Variants in SNX29 observed in about 807,000 individuals in gnomAD.
The protein encoded by SNX29 is sorting nexin-29.
A neutral mutation model predicts 102.1 loss-of-function variants in SNX29; 78 were observed. The ratio of observed to expected loss-of-function variants is 0.76; its 90% CI spans 0.64 to 0.92. The LOEUF is 0.92. Ranked by LOEUF, SNX29 falls within the 40% of genes least tolerant of loss-of-function variation. The pLI, the probability that SNX29 is intolerant of heterozygous loss-of-function variation, is 0.00. For synonymous variants in SNX29, 580 were observed against 414.5 expected (o/e 1.40, Z -4.85); for missense variants, 1,280 against 1,061.7 (o/e 1.21, Z -2.86).
At chr16:12,030,634 C>T (rs1352099187) in intron 4 of SNX29, among the ~76,000 whole-genome samples, 1 of 152,192 alleles carries the variant, frequency 6.6e-6, no homozygotes, top group Non-Finnish European at 1.5e-5. Flanking sequence ...AGCTCTGACC[C>T]ACTTTGCACA....
intron 16 of SNX29, among the ~76,000 whole-genome samples, chr16:12,386,796 T>C (rs527807632): frequency 6.6e-6 from 1 of 152,144 alleles, no homozygotes; most frequent in African/African-American, 2.4e-5. Context: ...AAAAAGGCCT[T>C]CTTTTCCAGA....
chr16:12,014,355 T>A (rs1424644328), intron 3 of SNX29, among the ~76,000 whole-genome samples: 1 of 152,124 alleles, frequency 6.6e-6, no homozygotes, highest in Non-Finnish European at 1.5e-5. Context: ...GCCAAGAGTA[T>A]CCAGGCAGCA....
intron 18 of SNX29, among the ~76,000 whole-genome samples, chr16:12,460,793 G>A (rs2086746962): frequency 6.6e-6 from 1 of 152,082 alleles, no homozygotes; most frequent in South Asian, 2.1e-4. Flanking sequence ...GAGTAGCTGG[G>A]ACTACTCAGG....
chr16:12,303,205 ATAAT>A (rs1020094275), intron 15 of SNX29, among the ~76,000 whole-genome samples: 2 of 152,214 alleles, frequency 1.3e-5, no homozygotes, highest in Non-Finnish European at 2.9e-5. Flanking sequence ...TTTTTAAAAA[ATAAT>A]TAGTTTGACC....
At chr16:12,465,444 C>A (rs1179900140) in intron 18 of SNX29, among the ~76,000 whole-genome samples, 3 of 151,704 alleles carry the variant, frequency 2.0e-5, no homozygotes, top group Non-Finnish European at 4.4e-5. Context: ...TTCCGTTTGC[C>A]CAGCACCATT....
intron 3 of SNX29, 21 bp downstream of exon 3, chr16:12,003,064 ACCGTTG>A: frequency 6.2e-7 from 1 of 1,613,888 alleles, no homozygotes; most frequent in South Asian, 1.1e-5. Context: ...CACTTCTAAA[ACCGTTG>A]ACCATCGAGG....
At chr16:12,563,063 A>G (rs1331821517) in intron 20 of SNX29, among the ~76,000 whole-genome samples, 2 of 152,100 alleles carry the variant, frequency 1.3e-5, no homozygotes, top group African/African-American at 4.8e-5. Context: ...AAATGTAGGT[A>G]CTGGAAGAGA....
rs1052986563 is a variant in SNX29 at position 12,565,298 on chromosome 16, C to T, written c.2319-3208C>T. Among the ~76,000 whole-genome samples the T allele has an allele frequency of 2.6e-5, 4 of 152,206 alleles. No homozygotes were observed. The South Asian group carries it at 8.3e-4, about 31-fold the overall frequency. On this transcript the variant is annotated intron_variant, in intron 20 of 20. Coordinates refer to ENST00000566228, the MANE Select transcript of SNX29 (RefSeq NM_032167.5). ...TCACATACGCCAGCAGCCACCAGCA[C>T]TCTCCATTCAAGTCCACTGTGCTCA...
At position 11,976,819 on chromosome 16, in the gene SNX29, TGGCGGCCCCGCCGCTGTCACCTGCCCC is replaced by T; in HGVS notation, c.7+10_7+36del. 2 of 1,373,740 alleles carry T rather than the reference TGGCGGCCCCGCCGCTGTCACCTGCCCC, an allele frequency of 1.5e-6. No individual in the cohort carries two copies. The highest frequency in any genetic ancestry group is 9.4e-7 in the Non-Finnish European group (1 of 1,063,160). 85.1% of individuals were successfully genotyped at this position (1,373,740 alleles called of 1,614,324 possible). On this transcript the variant is annotated splice_region_variant and intron_variant, in intron 1 of 20. Coordinates refer to ENST00000566228, the MANE Select transcript of SNX29 (RefSeq NM_032167.5). ...GGGGAGAGGCACCATGAGCGGTGAGTGGCGGCCCCGCCGCTGTCACCTGCCCCGGCCGCCCCGGCTCCCGCCGCTCCA... is the reference window on the plus strand; with the variant it reads ...GGGGAGAGGCACCATGAGCGGTGAGTGGCCGCCCCGGCTCCCGCCGCTCCA...
At chr16:12,370,244 A>G (rs2082634053) in intron 16 of SNX29, among the ~76,000 whole-genome samples, 3 of 151,938 alleles carry the variant, frequency 2.0e-5, no homozygotes, top group African/African-American at 7.2e-5. Context: ...AAACAAAAAC[A>G]AAAACAAAAA....
intron 18 of SNX29, among the ~76,000 whole-genome samples, chr16:12,455,153 C>T (rs2086479499): frequency 1.3e-5 from 2 of 152,136 alleles, no homozygotes; most frequent in South Asian, 2.1e-4. Flanking sequence ...CAAAGGTTTC[C>T]TCCTCCTTCT....
intron 19 of SNX29, among the ~76,000 whole-genome samples, chr16:12,507,030 T>C (rs2089410573): frequency 6.6e-6 from 1 of 152,230 alleles, no homozygotes; most frequent in Non-Finnish European, 1.5e-5. Flanking sequence ...CTGTAGATTA[T>C]TGTGAGAATT....
chr16:12,363,613 C>G (rs2082367962), intron 16 of SNX29, among the ~76,000 whole-genome samples: 1 of 152,184 alleles, frequency 6.6e-6, no homozygotes. Context: ...AGCACCATTC[C>G]CAGCATGTAG....
intron 18 of SNX29, among the ~76,000 whole-genome samples, chr16:12,439,601 C>G (rs1395703136): frequency 1.3e-5 from 2 of 152,158 alleles, no homozygotes; most frequent in Non-Finnish European, 2.9e-5. Context: ...TCATTCACTA[C>G]CACGAGAACA....
chr16:12,312,858 C>G (rs2151141998), intron 15 of SNX29, among the ~76,000 whole-genome samples: 1 of 152,246 alleles, frequency 6.6e-6, no homozygotes, highest in South Asian at 2.1e-4. Context: ...CATTCTAAAA[C>G]AACCAGTTCT....
Position 12,568,943 on chromosome 16 carries a change from G to T in SNX29, c.*314G>T. On this transcript the variant is annotated 3_prime_UTR_variant, in exon 21 of 21. Transcript: ENST00000566228. Reference sequence around the variant, plus strand: ...TGTAGTTCAGGGCTGGCAGGAGGGTGGGCACCAGGTCAGGCTGGGTGCGCC... The same window carrying T: ...TGTAGTTCAGGGCTGGCAGGAGGGTTGGCACCAGGTCAGGCTGGGTGCGCC... The T allele has an allele frequency of 2.5e-6, 1 of 400,060 alleles. No individual in the cohort carries two copies. The highest frequency in any genetic ancestry group is 4.5e-6 in the Non-Finnish European group (1 of 223,020). 24.8% of individuals were successfully genotyped at this position (400,060 alleles called of 1,614,324 possible). A position where few individuals can be genotyped will look rare whatever the true frequency, so the allele number is the denominator to read the frequency against.
At chr16:12,174,281 T>C (rs756583490) in intron 13 of SNX29, among the ~76,000 whole-genome samples, 17 of 152,218 alleles carry the variant, frequency 1.1e-4, no homozygotes, top group Non-Finnish European at 2.1e-4. Context: ...GTAGGAATTA[T>C]GATGTGGGAA....
intron 13 of SNX29, among the ~76,000 whole-genome samples, chr16:12,137,162 T>C (rs533394866): frequency 1.3e-5 from 2 of 152,302 alleles, no homozygotes; most frequent in South Asian, 4.1e-4. Flanking sequence ...CATTTTTTCC[T>C]AGGATTGTTG....
At chr16:12,355,540 C>T (rs577238733) in intron 15 of SNX29, among the ~76,000 whole-genome samples, 1 of 152,262 alleles carries the variant, frequency 6.6e-6, no homozygotes, top group African/African-American at 2.4e-5. Context: ...TTGCAGGATT[C>T]TTCCTTCAGG....
Sources: allele counts gnomAD v4.1 joint callset (sites outside exome capture counted in the v4.1 genomes callset), GRCh38; gene constraint gnomAD v4.1.1; transcripts MANE v1.5; gene names NCBI Gene and HGNC (gene_info 2026-07-23, HGNC 2026-07-21).